ARMC9: variants seen among roughly 807,000 people sequenced by gnomAD.
The protein encoded by ARMC9 is armadillo repeat containing 9.
A neutral mutation model predicts 107.0 loss-of-function variants in ARMC9; 94 were observed. The ratio of observed to expected loss-of-function variants is 0.88; its 90% CI spans 0.74 to 1.04. The LOEUF (loss-of-function observed/expected upper bound fraction) is 1.04. ARMC9 is among the 50% of genes least tolerant of loss of function. The pLI is 0.00. For synonymous variants in ARMC9, 380 were observed against 396.9 expected, an observed-to-expected ratio of 0.96 and a Z score of 0.51; for missense variants, 942 against 1,030.1, an observed-to-expected ratio of 0.91 and a Z score of 1.17.
At chr2:231,331,402 C>G (rs1283675654) in intron 19 of ARMC9, among the ~76,000 whole-genome samples, 2 of 152,136 alleles carry the variant, frequency 1.3e-5, no homozygotes, top group Non-Finnish European at 2.9e-5. Flanking sequence ...ATGAGCAGAC[C>G]TGTTCTAGAG....
At chr2:231,365,485 G>T (rs780372005) in intron 23 of ARMC9, among the ~76,000 whole-genome samples, 6 of 152,268 alleles carry the variant, frequency 3.9e-5, no homozygotes, top group Non-Finnish European at 8.8e-5. Flanking sequence ...CCTTCTGTTT[G>T]CATTAAGCCC....
At chr2:231,339,152 A>T (rs1459715389) in intron 20 of ARMC9, among the ~76,000 whole-genome samples, 1 of 152,042 alleles carries the variant, frequency 6.6e-6, no homozygotes, top group Non-Finnish European at 1.5e-5. Flanking sequence ...ACATGGTGAA[A>T]CTCCGTCTCT....
Position 231,271,010 on chromosome 2 carries a change from C to G in ARMC9, c.1148C>G (p.Thr383Arg), listed in dbSNP as rs527487315. 6.2e-7 allele frequency: 1 copy of G among 1,614,160 alleles called. No homozygotes were observed. ...QRSVLQLLHSTSDVVRQYMAR... is the reference protein window; with the variant it reads ...QRSVLQLLHSRSDVVRQYMAR... ...AGTGTGCTTCAGTTGCTGCACTCCA[C>G]GAGCGACGTGGTGCGGCAGTACATG... Residue 383 changes from threonine (T) to arginine (R), a missense_variant, in exon 13 of 25, where the codon ACG becomes AGG. Transcript: ENST00000611582.
intron 16 of ARMC9, among the ~76,000 whole-genome samples, chr2:231,278,747 C>A (rs1439077910): frequency 2.6e-5 from 4 of 152,184 alleles, no homozygotes; most frequent in African/African-American, 4.8e-5. Flanking sequence ...CAACATTCCT[C>A]CCCCACATGC....
At chr2:231,212,721 T>G (rs1191351951) in intron 3 of ARMC9, among the ~76,000 whole-genome samples, 1 of 152,200 alleles carries the variant, frequency 6.6e-6, no homozygotes, top group African/African-American at 2.4e-5. Context: ...AGGTCTCTGG[T>G]CAGCTTCCCC....
chr2:231,288,459 T>C (rs895287143), intron 17 of ARMC9, among the ~76,000 whole-genome samples: 1 of 152,244 alleles, frequency 6.6e-6, no homozygotes, highest in Non-Finnish European at 1.5e-5. Context: ...AATAGATATT[T>C]GAATTTCTCA....
At chr2:231,201,125 A>G (rs562049363) in intron 1 of ARMC9, among the ~76,000 whole-genome samples, 1 of 152,262 alleles carries the variant, frequency 6.6e-6, no homozygotes, top group South Asian at 2.1e-4. Flanking sequence ...GTCCAGAAAA[A>G]GGCTGGAGAG....
At chr2:231,322,124 G>A (rs1050271785) in intron 19 of ARMC9, among the ~76,000 whole-genome samples, 11 of 152,234 alleles carry the variant, frequency 7.2e-5, no homozygotes, top group African/African-American at 2.4e-4. Flanking sequence ...CTGCATTTTT[G>A]TGAATGGGGA....
intron 5 of ARMC9, among the ~76,000 whole-genome samples, chr2:231,220,878 A>G (rs2034055043): frequency 6.6e-6 from 1 of 152,244 alleles, no homozygotes; most frequent in South Asian, 2.1e-4. Context: ...CAAAATAGTA[A>G]TCAACAACAG....
At position 231,281,163 on chromosome 2, in the gene ARMC9, A is replaced by G. The variant is rs1411068521; in HGVS notation, c.1552-896A>G. 3.4e-5 allele frequency among the ~76,000 whole-genome samples: 5 copies of G among 145,508 alleles called. 1 individual carries two copies. The highest frequency in any genetic ancestry group is 7.0e-3 in the Middle Eastern group (2 of 284). On this transcript the variant is annotated intron_variant, in intron 16 of 24. Coordinates refer to ENST00000611582, the MANE Select transcript of ARMC9 (RefSeq NM_001352754.2). The stretch of plus-strand genomic sequence containing the variant: ...GGACATAGTGTGAATTTAAAAGGAT[A>G]CTGCCTCCAGTGCTGTAGTGGAGGG...
chr2:231,296,408 G>A (rs1331976982), intron 19 of ARMC9, among the ~76,000 whole-genome samples, 155 bp downstream of exon 19: 1 of 152,178 alleles, frequency 6.6e-6, no homozygotes, highest in Admixed American at 6.5e-5. Context: ...CTGGGTGGTG[G>A]TTCGGGTCTC....
chr2:231,364,843 G>A (rs2045748146), intron 23 of ARMC9, among the ~76,000 whole-genome samples: 1 of 152,112 alleles, frequency 6.6e-6, no homozygotes, highest in Admixed American at 6.5e-5. Flanking sequence ...CAGAGCATCA[G>A]GGAGCTGCCC....
chr2:231,324,166 T>G (rs1225502088), intron 19 of ARMC9, among the ~76,000 whole-genome samples: 3 of 147,208 alleles, frequency 2.0e-5, no homozygotes, highest in South Asian at 4.5e-4. Flanking sequence ...CTTGCTCTGT[T>G]GCCCAGGCTG....
chr2:231,262,325 C>T lies in ARMC9; in HGVS notation c.1046C>T (p.Pro349Leu), dbSNP rs1434685953. The T allele has an allele frequency of 2.4e-5, 38 of 1,614,056 alleles. No individual in the cohort carries two copies. The highest frequency in any genetic ancestry group is 3.2e-5 in the Non-Finnish European group (38 of 1,180,030). Residue 349 changes from proline (P) to leucine (L), a missense_variant, in exon 12 of 25, where the codon CCT becomes CTT. By Grantham distance (98) the Pro-to-Leu change is moderately conservative (BLOSUM62 -3). Coordinates refer to ENST00000611582, the MANE Select transcript of ARMC9 (RefSeq NM_001352754.2). ...CTCCAGCGCTTGACCACATCCCATCCTGGAGAGCAGAGGGAGACCGTTCTG... is the reference window on the plus strand; with the variant it reads ...CTCCAGCGCTTGACCACATCCCATCTTGGAGAGCAGAGGGAGACCGTTCTG... ...ALRWRLTTSH[P>L]GEQRETVLQA... is the part of the protein sequence containing the mutation.
At chr2:231,252,435 A>T (rs1180001848) in intron 9 of ARMC9, among the ~76,000 whole-genome samples, 1 of 152,040 alleles carries the variant, frequency 6.6e-6, no homozygotes, top group African/African-American at 2.4e-5. Context: ...CTTTTAGTGG[A>T]GACGGGGTTT....
At chr2:231,328,092 C>T (rs564982315) in intron 19 of ARMC9, among the ~76,000 whole-genome samples, 1 of 152,116 alleles carries the variant, frequency 6.6e-6, no homozygotes, top group African/African-American at 2.4e-5. Flanking sequence ...CCTGTTTTTG[C>T]CATTCTAATA....
chr2:231,284,059 A>G (rs116399238), intron 17 of ARMC9, among the ~76,000 whole-genome samples: 1,722 of 152,324 alleles, frequency 0.011, 29 homozygotes, highest in African/African-American at 0.04. Flanking sequence ...CCATGTAACA[A>G]CATTTTGGTC....
chr2:231,279,511 C>CTTT (rs57779512), intron 16 of ARMC9, among the ~76,000 whole-genome samples: 26 of 124,800 alleles, frequency 2.1e-4, no homozygotes, highest in Middle Eastern at 4.2e-3. Context: ...TTTCTTTTTT[C>CTTT]TTTTTTTTTT....
intron 24 of ARMC9, 95 bp from the exon 25 acceptor site, chr2:231,371,418 T>C: frequency 7.5e-7 from 1 of 1,325,470 alleles, no homozygotes; most frequent in Non-Finnish European, 9.7e-7. Context: ...GTTCCCTCGC[T>C]TCTGAGCCGG....
Sources: allele counts gnomAD v4.1 joint callset (sites outside exome capture counted in the v4.1 genomes callset), GRCh38; gene constraint gnomAD v4.1.1; transcripts MANE v1.5; gene names NCBI Gene and HGNC (gene_info 2026-07-23, HGNC 2026-07-21).